The following EYS variants were observed in gnomAD, a reference collection of about 807,000 sequenced individuals.
EYS encodes the protein EGF-like photoreceptor maintenance factor, also known as protein eyes shut homolog.
EYS carries 250 observed loss-of-function variants against 282.1 expected under a neutral mutation model. That is an observed-to-expected ratio of 0.89 (90% CI 0.80 to 0.98). The LOEUF is 0.98. Ranked by LOEUF, EYS falls within the 50% of genes least tolerant of loss-of-function variation. EYS has a pLI of 0.00. For synonymous variants in EYS, 1,355 were observed against 1,282.9 expected, an observed-to-expected ratio of 1.06 and a Z score of -1.20; for missense variants, 4,016 against 3,709.0, an observed-to-expected ratio of 1.08 and a Z score of -2.15.
intron 31 of EYS, among the ~76,000 whole-genome samples, chr6:64,215,786 G>C (rs767590762): frequency 1.4e-4 from 21 of 152,174 alleles, no homozygotes; most frequent in Non-Finnish European, 2.8e-4. Flanking sequence ...ATCTAGGAGA[G>C]AGACTAAGTT....
chr6:65,109,501 C>T (rs1775146658), intron 12 of EYS, among the ~76,000 whole-genome samples: 1 of 151,892 alleles, frequency 6.6e-6, no homozygotes. Context: ...CAAGAGTTGT[C>T]TTGAGTCTTT....
rs559533744 is a variant in EYS at position 65,393,292 on chromosome 6, T to C, written c.1185-8792A>G. Reference sequence around the variant, plus strand: ...ACATACGTAACTAACCTGTACATTGTGCACATGTACCCTAAAACTTAAAAT... The same window carrying C: ...ACATACGTAACTAACCTGTACATTGCGCACATGTACCCTAAAACTTAAAAT... On this transcript the variant is annotated intron_variant, in intron 7 of 42. Coordinates refer to ENST00000503581, the MANE Select transcript of EYS (RefSeq NM_001142800.2). Among the ~76,000 whole-genome samples, 13 of 152,258 alleles carry C rather than the reference T, an allele frequency of 8.5e-5. No individual in the cohort carries two copies. The East Asian group carries it at 2.1e-3, about 25-fold the overall frequency.
chr6:65,031,703 A>G (rs1329886253), intron 13 of EYS, among the ~76,000 whole-genome samples: 1 of 152,158 alleles, frequency 6.6e-6, no homozygotes, highest in Non-Finnish European at 1.5e-5. Context: ...GATATAATTT[A>G]CCAGAATCTC....
intron 36 of EYS, among the ~76,000 whole-genome samples, chr6:63,811,478 A>G (rs1771044885): frequency 6.6e-6 from 1 of 151,866 alleles, no homozygotes; most frequent in African/African-American, 2.4e-5. Context: ...CTGTCCTGAT[A>G]TTTTTTCCTA....
At chr6:64,327,961 C>T (rs537106223) in intron 29 of EYS, among the ~76,000 whole-genome samples, 171 of 152,236 alleles carry the variant, frequency 1.1e-3, no homozygotes, top group African/African-American at 4.0e-3. Flanking sequence ...TGAGGTCAGC[C>T]GCCTTAGGTC....
At chr6:64,123,572 G>T (rs1248399651) in intron 31 of EYS, among the ~76,000 whole-genome samples, 1 of 152,184 alleles carries the variant, frequency 6.6e-6, no homozygotes, top group East Asian at 1.9e-4. Context: ...TTGGGAGAAA[G>T]ACAGCTTTAT....
intron 30 of EYS, among the ~76,000 whole-genome samples, chr6:64,298,671 G>A (rs1769125066): frequency 6.6e-6 from 1 of 151,936 alleles, no homozygotes; most frequent in Non-Finnish European, 1.5e-5. Context: ...GAAGTAAATA[G>A]CTTCTTAGCA....
At chr6:65,490,434 C>G (rs1765996895) in intron 5 of EYS, 160 bp downstream of exon 5, 2 of 547,532 alleles carry the variant, frequency 3.7e-6, no homozygotes, top group Non-Finnish European at 6.7e-6. Context: ...TTGTATTAAC[C>G]AAATTGATTT....
chr6:64,533,490 T>G (rs1415715158), intron 26 of EYS, among the ~76,000 whole-genome samples: 1 of 152,028 alleles, frequency 6.6e-6, no homozygotes, highest in Admixed American at 6.6e-5. Context: ...ACATCAATGA[T>G]AAGAATGACA....
At chr6:64,738,843 C>T (rs376054000) in intron 22 of EYS, among the ~76,000 whole-genome samples, 9 of 152,124 alleles carry the variant, frequency 5.9e-5, no homozygotes, top group Admixed American at 1.3e-4. Flanking sequence ...CTGCAACCTC[C>T]GCCTCCCAGG....
At chr6:64,988,214 G>T (rs1393229474) in intron 14 of EYS, among the ~76,000 whole-genome samples, 1 of 151,532 alleles carries the variant, frequency 6.6e-6, no homozygotes, top group African/African-American at 2.4e-5. Context: ...GACTTAGCCA[G>T]ATTAGAGGCT....
At chr6:64,022,142 T>C (rs1769222038) in intron 33 of EYS, among the ~76,000 whole-genome samples, 1 of 152,226 alleles carries the variant, frequency 6.6e-6, no homozygotes, top group Admixed American at 6.5e-5. Flanking sequence ...GCTTGTAATT[T>C]TTATCAGATG....
At chr6:65,622,819 G>A (rs1004928676) in intron 2 of EYS, among the ~76,000 whole-genome samples, 1 of 151,072 alleles carries the variant, frequency 6.6e-6, no homozygotes, top group African/African-American at 2.4e-5. Context: ...GTACAGTGGG[G>A]CAGCTACAGC....
In EYS at chr6:65,495,528, A is replaced by C; in HGVS notation, c.-118T>G. ...TAAGGATTCCTGGGAATTGGAATTG[A>C]CCTTTTTTCTATACCCAAAGTAGCT... On this transcript the variant is annotated 5_prime_UTR_variant, in exon 4 of 43. Coordinates refer to ENST00000503581, the MANE Select transcript of EYS (RefSeq NM_001142800.2). 1 of 1,082,596 alleles carries C rather than the reference A, an allele frequency of 9.2e-7. No homozygotes were observed. 67.1% of individuals were successfully genotyped at this position (1,082,596 alleles called of 1,614,324 possible).
intron 7 of EYS, among the ~76,000 whole-genome samples, chr6:65,399,969 A>G (rs536730571): frequency 6.6e-6 from 1 of 152,142 alleles, no homozygotes; most frequent in East Asian, 1.9e-4. Context: ...GTAGAGTGTG[A>G]CTTTCATTTC....
At chr6:65,398,141 T>C (rs1414032708) in intron 7 of EYS, among the ~76,000 whole-genome samples, 1 of 152,134 alleles carries the variant, frequency 6.6e-6, no homozygotes, top group African/African-American at 2.4e-5. Context: ...GAGTTTCTTG[T>C]AGATTCTGAA....
chr6:65,379,603 G>A (rs1370554010), intron 8 of EYS, among the ~76,000 whole-genome samples: 1 of 152,034 alleles, frequency 6.6e-6, no homozygotes, highest in African/African-American at 2.4e-5. Flanking sequence ...CATAATGTTG[G>A]AAGTTCTGGC....
intron 33 of EYS, among the ~76,000 whole-genome samples, chr6:64,054,937 A>G (rs1770931319): frequency 1.3e-5 from 2 of 152,220 alleles, no homozygotes; most frequent in African/African-American, 2.4e-5. Context: ...TTTTCAGCAC[A>G]TGCTTTAAAC....
chr6:63,817,331 T>A (rs1040543398), intron 36 of EYS, among the ~76,000 whole-genome samples: 1 of 152,134 alleles, frequency 6.6e-6, no homozygotes, highest in Non-Finnish European at 1.5e-5. Context: ...AGCTGCTACC[T>A]CTATGGCTGA....
Sources: gnomAD v4.1 joint callset for allele counts (sites outside exome capture counted in the v4.1 genomes callset) on GRCh38, gnomAD v4.1.1 for gene constraint, MANE v1.5 for transcripts, NCBI Gene and HGNC (gene_info 2026-07-23, HGNC 2026-07-21) for gene names.